CCDC18: variants seen among roughly 807,000 people sequenced by gnomAD.
The protein encoded by CCDC18 is coiled-coil domain-containing protein 18.
In CCDC18, 157 loss-of-function variants were observed where a neutral mutation model predicts 196.0. The ratio of observed to expected loss-of-function variants is 0.80; its 90% confidence interval spans 0.70 to 0.91. The LOEUF is 0.91. CCDC18 is among the 40% of genes least tolerant of loss of function. The pLI is 0.00. For synonymous variants in CCDC18, 482 were observed against 529.2 expected, an observed-to-expected ratio of 0.91 and a Z score of 1.22; for missense variants, 1,465 against 1,611.6, an observed-to-expected ratio of 0.91 and a Z score of 1.56.
intron 25 of CCDC18, 26 bp from the exon 26 acceptor site, chr1:93,258,722 C>T: frequency 1.3e-6 from 2 of 1,505,502 alleles, no homozygotes; most frequent in Non-Finnish European, 1.8e-6. Context: ...AGTTTTATAG[C>T]TTTTACTCAA....
intron 1 of CCDC18, among the ~76,000 whole-genome samples, chr1:93,182,523 G>A (rs1324504377): frequency 6.6e-6 from 1 of 152,286 alleles, no homozygotes; most frequent in East Asian, 1.9e-4. Context: ...TTAAGATTGC[G>A]CAGAAAGCTC....
chr1:93,259,261 T>C (rs1663454294), intron 26 of CCDC18, among the ~76,000 whole-genome samples: 1 of 152,186 alleles, frequency 6.6e-6, no homozygotes, highest in Non-Finnish European at 1.5e-5. Context: ...ATTTAATAAC[T>C]GATATAAACC....
chr1:93,180,826 C>T lies in CCDC18; in HGVS notation c.-29C>T, dbSNP rs1288231499. On this transcript the variant is annotated 5_prime_UTR_variant, in exon 1 of 29. Transcript: ENST00000690025. ...AGGGTCAGAGGCTTCCTAACGCAGA[C>T]TCGAGTGCGAAGCGCGCAGTCGCCG... 1 of 1,367,750 alleles carries T rather than the reference C, an allele frequency of 7.3e-7. No homozygotes were observed. The highest frequency in any genetic ancestry group is 9.8e-7 in the Non-Finnish European group (1 of 1,021,996). The allele number at this position is 1,367,750 out of a possible 1,614,324, so 84.7% of individuals were successfully genotyped here. A position where few individuals can be genotyped will look rare whatever the true frequency, so the allele number is the denominator to read the frequency against.
chr1:93,270,739 G>T lies in CCDC18; in HGVS notation c.4278G>T (p.Gly1426=). 1 of 1,549,412 alleles carries T rather than the reference G, an allele frequency of 6.5e-7. No homozygotes were observed. Among genetic ancestry groups the T allele is most frequent in the East Asian group, 2.4e-5 (1 of 40,862 alleles). The stretch of plus-strand genomic sequence containing the variant: ...ATAATGACTTTAACACGCTTAGTGG[G>T]ATGCTAAGATACATAAACAAAGAAG... The part of the protein sequence containing the change: ...SENNDFNTLS[G]MLRYINKEVR... The change falls in exon 28 of 29, where the codon GGG becomes GGT. Residue 1426 remains glycine (G), a synonymous_variant. Transcript: ENST00000690025.
rs1240793459 is a variant in CCDC18, at chr1:93,212,145, C to A, written c.1379C>A (p.Ala460Glu). 2 of 1,609,392 alleles carry A rather than the reference C, an allele frequency of 1.2e-6. No homozygotes were observed. Among genetic ancestry groups the A allele is most frequent in the Non-Finnish European group, 8.5e-7 (1 of 1,178,766 alleles). Residue 460 changes from alanine to glutamate, a missense_variant, in exon 11 of 29, where the codon GCA becomes GAA. Coordinates refer to ENST00000690025, the MANE Select transcript of CCDC18 (RefSeq NM_001378204.1). ...IKEAEIQKLH[A>E]NLTANQLSQS... ...GAGGCAGAAATTCAAAAGCTTCATG[C>A]AAACCTGACTGCAAATCAGTTATCT...
In CCDC18 at chr1:93,180,824, G is replaced by A. The variant is rs894459357; in HGVS notation, c.-31G>A. ...AAAGGGTCAGAGGCTTCCTAACGCA[G>A]ACTCGAGTGCGAAGCGCGCAGTCGC... is the stretch of plus-strand genomic sequence containing the variant. On this transcript the variant is annotated 5_prime_UTR_variant, in exon 1 of 29. Coordinates refer to ENST00000690025, the MANE Select transcript of CCDC18 (RefSeq NM_001378204.1). 7.3e-7 allele frequency: 1 copy of A among 1,367,626 alleles called. No individual in the cohort carries two copies. The highest frequency in any genetic ancestry group is 1.5e-5 in the African/African-American group (1 of 67,740). The allele number at this position is 1,367,626 out of a possible 1,614,324, so 84.7% of individuals were successfully genotyped here. A position where few individuals can be genotyped will look rare whatever the true frequency, so the allele number is the denominator to read the frequency against.
Position 93,265,807 on chromosome 1 carries a change from AC to A in CCDC18, c.3885+908del, listed in dbSNP as rs1272270415. Among the ~76,000 whole-genome samples the A allele has an allele frequency of 2.6e-5, 4 of 152,316 alleles. No homozygotes were observed. The East Asian group carries it at 7.7e-4, about 29-fold the overall frequency. ...AGATTCATAAGTCAAGTCCTTAGAG[AC>A]CTACAAAGAGACTTAGACTCCCACA... On this transcript the variant is annotated intron_variant, in intron 27 of 28. Transcript: ENST00000690025.
chr1:93,272,651 C>T (rs1411834149), intron 28 of CCDC18, among the ~76,000 whole-genome samples: 1 of 152,054 alleles, frequency 6.6e-6, no homozygotes, highest in Non-Finnish European at 1.5e-5. Flanking sequence ...TTTAGCCTAA[C>T]AATGGGAATG....
At chr1:93,257,254 AAAAAAC>A (rs1663124596) in intron 25 of CCDC18, among the ~76,000 whole-genome samples, 1 of 149,550 alleles carries the variant, frequency 6.7e-6, no homozygotes, top group Non-Finnish European at 1.5e-5. Flanking sequence ...AAAAAAAAAA[AAAAAAC>A]ATGAAAACTA....
intron 21 of CCDC18, among the ~76,000 whole-genome samples, chr1:93,242,343 G>T (rs746301159): frequency 6.9e-6 from 1 of 144,728 alleles, no homozygotes; most frequent in Non-Finnish European, 1.5e-5. Flanking sequence ...GAGAGCTTGC[G>T]CAGGGAAACT....
intron 26 of CCDC18, among the ~76,000 whole-genome samples, chr1:93,263,722 T>A (rs1273651782): frequency 6.6e-6 from 1 of 152,218 alleles, no homozygotes; most frequent in Non-Finnish European, 1.5e-5. Flanking sequence ...TGTTCTAACC[T>A]CTGCCCATTA....
At chr1:93,190,988 G>A in intron 4 of CCDC18, 1 of 1,011,472 alleles carries the variant, frequency 9.9e-7, no homozygotes, top group Non-Finnish European at 1.5e-6. Context: ...TTCTTGTACT[G>A]TGTCACTTTC....
chr1:93,217,137 G>A lies in CCDC18; in HGVS notation c.1830+391G>A, dbSNP rs553331476. Among the ~76,000 whole-genome samples the A allele has an allele frequency of 2.9e-3, 379 of 128,868 alleles. 4 individuals carry two copies. The highest frequency in any genetic ancestry group is 0.017 in the African/African-American group (332 of 19,892). The allele number at this position is 128,868 out of a possible 152,430, so 84.5% of individuals were successfully genotyped here. On this transcript the variant is annotated intron_variant, in intron 13 of 28. Transcript: ENST00000690025. ...ATTTTCAGTAGAGACAGGTTTCACC[G>A]TGTTAGCCAGGATGGTCTCATCTCC...
chr1:93,266,493 A>G (rs1053149596), intron 27 of CCDC18, among the ~76,000 whole-genome samples: 5 of 152,200 alleles, frequency 3.3e-5, no homozygotes, highest in Non-Finnish European at 7.4e-5. Context: ...CAAAAAATCA[A>G]TGAATCCAGG....
At chr1:93,205,019 A>T (rs2101891178) in intron 7 of CCDC18, among the ~76,000 whole-genome samples, 1 of 152,218 alleles carries the variant, frequency 6.6e-6, no homozygotes, top group Admixed American at 6.5e-5. Context: ...TATCAATTGC[A>T]AACAATGCTC....
intron 4 of CCDC18, 96 bp from the exon 5 acceptor site, chr1:93,191,904 C>T: frequency 4.2e-6 from 3 of 717,294 alleles, no homozygotes; most frequent in South Asian, 1.8e-5. Context: ...ATTTGGGAGC[C>T]CTATTGAACA....
At chr1:93,232,130 A>T (rs535355564) in intron 17 of CCDC18, among the ~76,000 whole-genome samples, 1 of 152,350 alleles carries the variant, frequency 6.6e-6, no homozygotes, top group East Asian at 1.9e-4. Flanking sequence ...CCAGAATTCT[A>T]AAGGAAGGCA....
At chr1:93,227,568 C>T (rs1034457512) in intron 17 of CCDC18, among the ~76,000 whole-genome samples, 2 of 151,924 alleles carry the variant, frequency 1.3e-5, no homozygotes, top group South Asian at 2.1e-4. Flanking sequence ...AATGGATAAT[C>T]GTAATGAAGA....
rs774000591 is a variant in CCDC18 at position 93,183,958 on chromosome 1, G to A, written c.135-20G>A. 1.9e-5 allele frequency: 27 copies of A among 1,445,586 alleles called. No homozygotes were observed. The Admixed American group carries it at 4.6e-4, about 25-fold the overall frequency. 89.5% of individuals were successfully genotyped at this position (1,445,586 alleles called of 1,614,324 possible). A position where few individuals can be genotyped will look rare whatever the true frequency, so the allele number is the denominator to read the frequency against. On this transcript the variant is annotated intron_variant, in intron 2 of 28. Transcript: ENST00000690025. ...ATAAACTATCCAAGAACTGAAATATGTTTTTTCTTTTTTCTCTAGTGTTAG... is the reference window on the plus strand; with the variant it reads ...ATAAACTATCCAAGAACTGAAATATATTTTTTCTTTTTTCTCTAGTGTTAG...
Sources: gnomAD v4.1 joint callset for allele counts (sites outside exome capture counted in the v4.1 genomes callset) on GRCh38, gnomAD v4.1.1 for gene constraint, MANE v1.5 for transcripts, NCBI Gene and HGNC (gene_info 2026-07-23, HGNC 2026-07-21) for gene names.